Variants in ZNF892 observed in about 807,000 individuals in gnomAD.
ZNF892 encodes the protein zinc finger protein 570-like.
the ZNF892 span, among the ~76,000 whole-genome samples, chr2:95,254,377 T>G: frequency 2.6e-5 from 4 of 152,196 alleles, no homozygotes; most frequent in African/African-American, 9.7e-5. Flanking sequence ...ATATGCTGGA[T>G]TACGTTTATT....
At chr2:95,220,381 G>A in the ZNF892 span, among the ~76,000 whole-genome samples, 1 of 149,742 alleles carries the variant, frequency 6.7e-6, no homozygotes, top group African/African-American at 2.5e-5. Flanking sequence ...GCCTGTTGGC[G>A]TTTCCGGGTT....
At chr2:95,240,183 C>G in the ZNF892 span, among the ~76,000 whole-genome samples, 12 of 151,876 alleles carry the variant, frequency 7.9e-5, no homozygotes, top group Non-Finnish European at 1.2e-4. Context: ...CAGTTAGAAG[C>G]AGCTGCGGTT....
the ZNF892 span, among the ~76,000 whole-genome samples, chr2:95,228,308 T>A: frequency 6.6e-6 from 1 of 152,222 alleles, no homozygotes; most frequent in Non-Finnish European, 1.5e-5. Flanking sequence ...CTGTCCTCTG[T>A]AATTTCAGCT....
chr2:95,208,504 T>C, the ZNF892 span: 1 of 396,390 alleles, frequency 2.5e-6, no homozygotes, highest in Non-Finnish European at 4.4e-6. Flanking sequence ...ATGGTCAAGG[T>C]GTCTTGATTA....
chr2:95,251,591 G>A, the ZNF892 span, among the ~76,000 whole-genome samples: 1 of 152,192 alleles, frequency 6.6e-6, no homozygotes, highest in Non-Finnish European at 1.5e-5. Context: ...TTGTTAACAA[G>A]GCAAGGAAGG....
chr2:95,231,976 T>C, the ZNF892 span: 1 of 152,180 alleles, frequency 6.6e-6, no homozygotes, highest in Admixed American at 6.5e-5. Context: ...TAGCTGGACA[T>C]TTTTTATCTT....
At chr2:95,241,239 C>T in the ZNF892 span, among the ~76,000 whole-genome samples, 20 of 152,186 alleles carry the variant, frequency 1.3e-4, no homozygotes, top group Admixed American at 2.6e-4. Context: ...CATGTTTGGG[C>T]CGGCAACAGG....
At chr2:95,235,338 A>G in the ZNF892 span, among the ~76,000 whole-genome samples, 1 of 151,220 alleles carries the variant, frequency 6.6e-6, no homozygotes, top group African/African-American at 2.4e-5. Flanking sequence ...GTCTTCAGTT[A>G]TAGCACTGGA....
the ZNF892 span, among the ~76,000 whole-genome samples, chr2:95,216,249 A>G: frequency 1.3e-5 from 2 of 152,130 alleles, no homozygotes; most frequent in Non-Finnish European, 2.9e-5. Context: ...CAACTAAGGA[A>G]TGTTGGCTGC....
chr2:95,257,430 C>T, the ZNF892 span, among the ~76,000 whole-genome samples: 59 of 152,272 alleles, frequency 3.9e-4, no homozygotes, highest in African/African-American at 1.3e-3. Flanking sequence ...TTCCTCTGGA[C>T]GTTTTGTCTC....
the ZNF892 span, among the ~76,000 whole-genome samples, chr2:95,256,617 C>T: frequency 6.6e-6 from 1 of 152,152 alleles, no homozygotes; most frequent in Admixed American, 6.5e-5. Context: ...GAATGTTGGC[C>T]TGCCTTGCTA....
chr2:95,207,173 C>T, the ZNF892 span, among the ~76,000 whole-genome samples: 5 of 152,242 alleles, frequency 3.3e-5, no homozygotes, highest in Admixed American at 6.5e-5. Context: ...GGCGCAGCAG[C>T]GAGGACACCG....
At chr2:95,232,970 T>C in the ZNF892 span, among the ~76,000 whole-genome samples, 1 of 152,164 alleles carries the variant, frequency 6.6e-6, no homozygotes, top group African/African-American at 2.4e-5. Flanking sequence ...CCTGAAATTA[T>C]GTTTAGCTCC....
At chr2:95,257,551 C>T in the ZNF892 span, among the ~76,000 whole-genome samples, 2 of 152,194 alleles carry the variant, frequency 1.3e-5, no homozygotes, top group African/African-American at 2.4e-5. Flanking sequence ...TGTGCATTCT[C>T]GGATCTCCAG....
At chr2:95,213,954 C>A in the ZNF892 span, among the ~76,000 whole-genome samples, 2 of 152,070 alleles carry the variant, frequency 1.3e-5, no homozygotes, top group Non-Finnish European at 2.9e-5. Context: ...TTTGGAAGAC[C>A]ATCTTTCTCT....
At chr2:95,239,549 A>T in the ZNF892 span, among the ~76,000 whole-genome samples, 1 of 152,194 alleles carries the variant, frequency 6.6e-6, no homozygotes, top group South Asian at 2.1e-4. Flanking sequence ...CGACCTGATT[A>T]GTCAGCAGCC....
At chr2:95,221,819 A>C in the ZNF892 span, among the ~76,000 whole-genome samples, 10 of 152,308 alleles carry the variant, frequency 6.6e-5, 1 homozygote, top group East Asian at 1.9e-3. Flanking sequence ...GTGCACAATA[A>C]AATTCACCCA....
At chr2:95,228,436 A>T in the ZNF892 span, among the ~76,000 whole-genome samples, 4 of 152,100 alleles carry the variant, frequency 2.6e-5, no homozygotes, top group East Asian at 1.9e-4. Flanking sequence ...TTTTAAAAAA[A>T]TTTTTTTTGC....
At chr2:95,210,829 G>A in the ZNF892 span, among the ~76,000 whole-genome samples, 1 of 152,146 alleles carries the variant, frequency 6.6e-6, no homozygotes, top group African/African-American at 2.4e-5. Context: ...AGGAACATGT[G>A]TTCTAACTAG....
Sources: allele counts gnomAD v4.1 joint callset (sites outside exome capture counted in the v4.1 genomes callset), GRCh38; gene constraint gnomAD v4.1.1; transcripts MANE v1.5; gene names NCBI Gene and HGNC (gene_info 2026-07-23, HGNC 2026-07-21).